MECOM: variants seen among roughly 807,000 people sequenced by gnomAD.
The protein encoded by MECOM is histone-lysine N-methyltransferase MECOM.
A neutral mutation model predicts 116.3 loss-of-function variants in MECOM; 13 were observed. The ratio of observed to expected loss-of-function variants is 0.11; its 90% confidence interval spans 0.07 to 0.18. The LOEUF is 0.18. MECOM is among the 10% of genes least tolerant of loss of function. The pLI, the probability that MECOM is intolerant of heterozygous loss-of-function variation, is 1.00. For synonymous variants in MECOM, 528 were observed against 535.2 expected (o/e 0.99, Z 0.19); for missense variants, 1,299 against 1,509.0 (o/e 0.86, Z 2.31).
intron 1 of MECOM, among the ~76,000 whole-genome samples, chr3:169,427,714 G>C (rs1010745484): frequency 1.2e-4 from 18 of 152,214 alleles, no homozygotes; most frequent in African/African-American, 4.1e-4. Flanking sequence ...CCATCACAGA[G>C]AGGAGTTGAG....
chr3:169,131,812 T>C, intron 3 of MECOM: 1 of 756,488 alleles, frequency 1.3e-6, no homozygotes, highest in South Asian at 2.5e-5. Context: ...CTGCGTCACA[T>C]ATATCCTGTG....
At position 169,170,787 on chromosome 3, in the gene MECOM, G is replaced by A. The variant is rs151227921; in HGVS notation, c.376-26955C>T. Among the ~76,000 whole-genome samples the A allele has an allele frequency of 6.4e-3, 975 of 152,216 alleles. 10 individuals are homozygous for A. The highest frequency in any genetic ancestry group is 0.021 in the African/African-American group (862 of 41,528). ...CTTGACACTGTTGAACTCAACAGCC[G>A]AAAAGGAATTCTATTAACCCATTTA... On this transcript the variant is annotated intron_variant, in intron 2 of 16. Coordinates refer to ENST00000651503, the MANE Select transcript of MECOM (RefSeq NM_004991.4).
intron 1 of MECOM, among the ~76,000 whole-genome samples, chr3:169,654,078 C>T (rs1030090517): frequency 1.3e-5 from 2 of 152,118 alleles, no homozygotes; most frequent in Admixed American, 6.5e-5. Context: ...TTGCATTATC[C>T]GATGATATTC....
intron 2 of MECOM, among the ~76,000 whole-genome samples, chr3:169,248,783 G>T (rs1755902200): frequency 6.6e-6 from 1 of 152,312 alleles, no homozygotes; most frequent in Middle Eastern, 3.4e-3. Context: ...TCAGAGGAAA[G>T]ATCATGTAAG....
chr3:169,227,532 T>C (rs1317485831), intron 2 of MECOM, among the ~76,000 whole-genome samples: 1 of 152,180 alleles, frequency 6.6e-6, no homozygotes, highest in Non-Finnish European at 1.5e-5. Flanking sequence ...TCAGTGGGAT[T>C]TGTTTTCTGG....
intron 2 of MECOM, among the ~76,000 whole-genome samples, chr3:169,234,952 T>A (rs567619733): frequency 6.6e-6 from 1 of 152,338 alleles, no homozygotes; most frequent in South Asian, 2.1e-4. Flanking sequence ...CTTCAGTTGT[T>A]TTTAATTGGT....
At chr3:169,497,239 C>T (rs879681404) in intron 1 of MECOM, among the ~76,000 whole-genome samples, 1 of 152,172 alleles carries the variant, frequency 6.6e-6, no homozygotes, top group African/African-American at 2.4e-5. Context: ...TTCTTTCTAT[C>T]CCTATTGCCA....
chr3:169,629,803 G>A (rs1408022030), intron 1 of MECOM, among the ~76,000 whole-genome samples: 1 of 152,182 alleles, frequency 6.6e-6, no homozygotes, highest in Non-Finnish European at 1.5e-5. Flanking sequence ...CATTTCCTGG[G>A]CTTTGCTCCC....
intron 2 of MECOM, among the ~76,000 whole-genome samples, chr3:169,277,976 T>A (rs1233120752): frequency 6.6e-6 from 1 of 152,212 alleles, no homozygotes; most frequent in Admixed American, 6.5e-5. Context: ...GGTTCAAAGT[T>A]TCTAAAGTGG....
At chr3:169,355,044 A>T (rs1023443962) in intron 2 of MECOM, among the ~76,000 whole-genome samples, 9 of 151,974 alleles carry the variant, frequency 5.9e-5, no homozygotes, top group African/African-American at 2.2e-4. Context: ...ACTGAATTAA[A>T]AGAACAAAAG....
At position 169,101,909 on chromosome 3, in the gene MECOM, C is replaced by T. The variant is rs1211453567; in HGVS notation, c.2771+151G>A. 8.2e-6 allele frequency: 5 copies of T among 607,638 alleles called. No homozygotes were observed. The South Asian group carries it at 2.8e-4, about 34-fold the overall frequency. The allele number at this position is 607,638 out of a possible 1,614,324, so 37.6% of individuals were successfully genotyped here. A position where few individuals can be genotyped will look rare whatever the true frequency, so the allele number is the denominator to read the frequency against. On this transcript the variant is annotated intron_variant, in intron 11 of 16. Transcript: ENST00000651503. ...TTTTAAAAACACTATTTTTATATTT[C>T]ACTAAATGAAGAACACTTTGAAGTG...
rs1765778152 is a variant in MECOM at position 169,586,361 on chromosome 3, T to C, written c.37+76975A>G. Among the ~76,000 whole-genome samples, 3 of 152,250 alleles carry C rather than the reference T, an allele frequency of 2.0e-5. 1 individual carries two copies. The highest frequency in any genetic ancestry group is 1.3e-4 in the Admixed American group (2 of 15,284). On this transcript the variant is annotated intron_variant, in intron 1 of 16. Transcript: ENST00000651503. ...TCTAAAGCCAACAACTGTAATAGTT[T>C]GCTGTCTAGTTAGCATAATTTCTTT...
At chr3:169,150,239 A>G (rs985274392) in intron 2 of MECOM, among the ~76,000 whole-genome samples, 2 of 152,232 alleles carry the variant, frequency 1.3e-5, no homozygotes, top group Non-Finnish European at 2.9e-5. Flanking sequence ...TAAGTGAATG[A>G]AACAGGAAAG....
At chr3:169,599,244 G>A (rs1250606294) in intron 1 of MECOM, among the ~76,000 whole-genome samples, 2 of 152,130 alleles carry the variant, frequency 1.3e-5, no homozygotes, top group African/African-American at 2.4e-5. Flanking sequence ...GGCCGGGCAC[G>A]GTGGCTCATG....
At chr3:169,626,267 T>C (rs1161910157) in intron 1 of MECOM, among the ~76,000 whole-genome samples, 2 of 152,220 alleles carry the variant, frequency 1.3e-5, no homozygotes, top group African/African-American at 2.4e-5. Context: ...TTGACAATTG[T>C]ATATTAGAGG....
chr3:169,434,731 G>A (rs919948487), intron 1 of MECOM, among the ~76,000 whole-genome samples: 4 of 152,070 alleles, frequency 2.6e-5, no homozygotes, highest in African/African-American at 9.7e-5. Context: ...TTTTAAGAGA[G>A]GAGATGTTTT....
chr3:169,647,390 A>G (rs551096439), intron 1 of MECOM, among the ~76,000 whole-genome samples: 45 of 152,380 alleles, frequency 3.0e-4, no homozygotes, highest in Non-Finnish European at 5.9e-4. Context: ...GTTATAAATT[A>G]TCTCCATTTT....
At chr3:169,519,698 G>A (rs1453805895) in intron 1 of MECOM, among the ~76,000 whole-genome samples, 1 of 152,188 alleles carries the variant, frequency 6.6e-6, no homozygotes, top group Non-Finnish European at 1.5e-5. Context: ...CATACCACAA[G>A]GCAATTTGAA....
At chr3:169,513,748 G>A (rs1019292825) in intron 1 of MECOM, among the ~76,000 whole-genome samples, 2 of 152,168 alleles carry the variant, frequency 1.3e-5, no homozygotes, top group African/African-American at 4.8e-5. Flanking sequence ...ATTTAAAGAT[G>A]GACAATAATC....
Sources: allele counts gnomAD v4.1 joint callset (sites outside exome capture counted in the v4.1 genomes callset), GRCh38; gene constraint gnomAD v4.1.1; transcripts MANE v1.5; gene names NCBI Gene and HGNC (gene_info 2026-07-23, HGNC 2026-07-21).